The following FHL2 variants were observed in gnomAD, a reference collection of about 807,000 sequenced individuals.
The protein encoded by FHL2 is four and a half LIM domains protein 2.
FHL2 carries 20 observed loss-of-function variants against 32.7 expected under a neutral mutation model. That is an observed-to-expected ratio of 0.61 (90% CI 0.43 to 0.89). The LOEUF is 0.89. Ranked by LOEUF, FHL2 falls within the 40% of genes least tolerant of loss-of-function variation. The probability of loss-of-function intolerance (pLI) is 0.00; values close to 1 mark genes in which losing one functional copy is unlikely to be tolerated. For missense variants in FHL2, 311 were observed against 358.6 expected (o/e 0.87, Z 1.07); for synonymous variants, 123 against 128.1 (o/e 0.96, Z 0.27).
chr2:105,395,244 G>A (rs1020694368), intron 2 of FHL2, among the ~76,000 whole-genome samples: 2 of 152,194 alleles, frequency 1.3e-5, no homozygotes, highest in African/African-American at 2.4e-5. Flanking sequence ...AGCTGCACAC[G>A]CTAGAATGGC....
chr2:105,363,048 C>T, intron 6 of FHL2: 1 of 501,134 alleles, frequency 2.0e-6, no homozygotes, highest in Admixed American at 3.6e-5. Context: ...AGAAACTAAA[C>T]TGGAGCACTG....
rs58715986 is a variant in FHL2 at position 105,397,513 on chromosome 2, C to T, written c.-75-816G>A. ...AAATTTAGGCAGCCTACATGCAGTC[C>T]CCGGCATCCCCTAGCCTACTGCATC... On this transcript the variant is annotated intron_variant, in intron 1 of 6. Coordinates refer to ENST00000530340, the MANE Select transcript of FHL2 (RefSeq NM_001318895.3). Among the ~76,000 whole-genome samples, 33 of 152,178 alleles carry T rather than the reference C, an allele frequency of 2.2e-4. No homozygotes were observed. The East Asian group carries it at 2.7e-3, about 12-fold the overall frequency.
chr2:105,417,673 G>A (rs1252864896), intron 1 of FHL2, among the ~76,000 whole-genome samples: 3 of 107,594 alleles, frequency 2.8e-5, no homozygotes, highest in Non-Finnish European at 5.2e-5. Context: ...AATACAGCGA[G>A]ACTCCATCTC....
At chr2:105,436,567 T>A (rs1290453616) in intron 1 of FHL2, among the ~76,000 whole-genome samples, 1 of 152,096 alleles carries the variant, frequency 6.6e-6, no homozygotes, top group Non-Finnish European at 1.5e-5. Flanking sequence ...TATATACATA[T>A]ATATATGTTT....
At chr2:105,367,331 TAGA>T (rs1222526701) in intron 5 of FHL2, among the ~76,000 whole-genome samples, 1 of 152,216 alleles carries the variant, frequency 6.6e-6, no homozygotes, top group Non-Finnish European at 1.5e-5. Flanking sequence ...AGAAATGGTC[TAGA>T]AGAAGGCAGG....
At chr2:105,437,750 G>A (rs762936160) in intron 1 of FHL2, among the ~76,000 whole-genome samples, 4 of 151,982 alleles carry the variant, frequency 2.6e-5, no homozygotes, top group Non-Finnish European at 2.9e-5. Flanking sequence ...TACACAATTG[G>A]CCAGGGCATT....
chr2:105,365,131 T>C (rs1229530288), intron 5 of FHL2, among the ~76,000 whole-genome samples: 1 of 152,170 alleles, frequency 6.6e-6, no homozygotes, highest in Non-Finnish European at 1.5e-5. Context: ...TAGCATGACT[T>C]TCTCAGAGAC....
chr2:105,426,594 G>T (rs933750668), intron 1 of FHL2, among the ~76,000 whole-genome samples: 5 of 152,164 alleles, frequency 3.3e-5, no homozygotes, highest in African/African-American at 7.2e-5. Context: ...CCCCACTCCT[G>T]CACCTACCTT....
intron 1 of FHL2, among the ~76,000 whole-genome samples, chr2:105,414,575 CAG>C (rs1295691216): frequency 1.3e-5 from 2 of 152,140 alleles, no homozygotes; most frequent in African/African-American, 2.4e-5. Flanking sequence ...GTTTTTGAGA[CAG>C]AGTCTCGCTC....
upstream of FHL2, among the ~76,000 whole-genome samples, chr2:105,401,346 G>A (rs766215510): frequency 4.6e-4 from 70 of 152,082 alleles, 1 homozygote; most frequent in Non-Finnish European, 8.4e-4. Context: ...AATGGATAGG[G>A]CCTATATATA....
intron 1 of FHL2, among the ~76,000 whole-genome samples, chr2:105,425,704 G>A (rs35351110): frequency 0.08 from 12,221 of 152,068 alleles, 806 homozygotes; most frequent in African/African-American, 0.17. Flanking sequence ...AGATGTTTGG[G>A]TGGAGAGAAA....
chr2:105,385,405 C>A (rs1447427552), intron 3 of FHL2, among the ~76,000 whole-genome samples: 1 of 152,172 alleles, frequency 6.6e-6, no homozygotes, highest in East Asian at 1.9e-4. Flanking sequence ...AATCAGTCAG[C>A]GGCAATGTGC....
In FHL2 at chr2:105,398,972, C is replaced by T; in HGVS notation, c.-206G>A. 6.6e-7 allele frequency: 1 copy of T among 1,526,562 alleles called. No homozygotes were observed. The highest frequency in any genetic ancestry group is 1.4e-5 in the African/African-American group (1 of 69,626). 94.6% of individuals were successfully genotyped at this position (1,526,562 alleles called of 1,614,324 possible). On this transcript the variant is annotated 5_prime_UTR_variant, in exon 1 of 7. Coordinates refer to ENST00000530340, the MANE Select transcript of FHL2 (RefSeq NM_001318895.3). The stretch of plus-strand genomic sequence containing the variant: ...CGCAGGGGGTTGGAGGTACTCACGG[C>T]ACCGCAGCGGGCCGGGGACTCCCGG...
chr2:105,363,009 G>GTCA, intron 6 of FHL2: 1 of 401,726 alleles, frequency 2.5e-6, no homozygotes, highest in African/African-American at 2.0e-5. Flanking sequence ...CTCACAGACT[G>GTCA]CAGTTTTAGC....
At chr2:105,416,359 T>C (rs527443351) in intron 1 of FHL2, among the ~76,000 whole-genome samples, 1 of 152,238 alleles carries the variant, frequency 6.6e-6, no homozygotes, top group South Asian at 2.1e-4. Flanking sequence ...GCATTCGATC[T>C]GTGGAGTATG....
At chr2:105,422,943 A>G (rs1353942271) in intron 1 of FHL2, among the ~76,000 whole-genome samples, 1 of 152,222 alleles carries the variant, frequency 6.6e-6, no homozygotes, top group African/African-American at 2.4e-5. Context: ...CAATAATGTC[A>G]GAACACTAAT....
intron 2 of FHL2, among the ~76,000 whole-genome samples, chr2:105,387,253 T>C (rs1416417497): frequency 6.6e-6 from 1 of 152,182 alleles, no homozygotes; most frequent in African/African-American, 2.4e-5. Context: ...TCCATTTCTA[T>C]AAAAAGATTT....
chr2:105,419,855 C>T (rs1439471028), intron 1 of FHL2, among the ~76,000 whole-genome samples: 1 of 152,002 alleles, frequency 6.6e-6, no homozygotes, highest in Non-Finnish European at 1.5e-5. Flanking sequence ...ATTAACAGAC[C>T]CCAGCTAAGG....
chr2:105,377,357 G>A (rs56358508), intron 3 of FHL2, among the ~76,000 whole-genome samples: 151 of 152,294 alleles, frequency 9.9e-4, no homozygotes, highest in African/African-American at 3.6e-3. Flanking sequence ...TTGGCCAGGC[G>A]AGGTGGCTCA....
Sources: allele counts gnomAD v4.1 joint callset (sites outside exome capture counted in the v4.1 genomes callset), GRCh38; gene constraint gnomAD v4.1.1; transcripts MANE v1.5; gene names NCBI Gene and HGNC (gene_info 2026-07-23, HGNC 2026-07-21).